Variants in FGD2 observed in about 807,000 individuals in gnomAD.
FGD2 encodes the protein FYVE, RhoGEF and PH domain-containing protein 2.
A neutral mutation model predicts 75.9 loss-of-function variants in FGD2; 52 were observed. The observed-to-expected ratio is 0.69, with a 90% CI of 0.55 to 0.86. The LOEUF is 0.86. Ranked by LOEUF, FGD2 falls within the 40% of genes least tolerant of loss-of-function variation. The probability of loss-of-function intolerance (pLI) is 0.00; values close to 1 mark genes in which losing one functional copy is unlikely to be tolerated. For missense variants in FGD2, 790 were observed against 872.0 expected, an observed-to-expected ratio of 0.91 and a Z score of 1.18; for synonymous variants, 347 against 348.6, an observed-to-expected ratio of 1.00 and a Z score of 0.05.
In FGD2 at chr6:37,011,690, G is replaced by C; in HGVS notation, c.379-16G>C. ...TCCCTGTCACTGCAGTGAGTGACCT[G>C]TCGTGGCGGCTACAGGTGTTTTTCC... On this transcript the variant is annotated splice_polypyrimidine_tract_variant and intron_variant, in intron 3 of 15. Transcript: ENST00000274963. 6.2e-7 allele frequency: 1 copy of C among 1,613,958 alleles called. No individual in the cohort carries two copies. The highest frequency in any genetic ancestry group is 8.5e-7 in the Non-Finnish European group (1 of 1,179,924).
intron 14 of FGD2, chr6:37,026,140 T>C: frequency 1.0e-6 from 1 of 985,316 alleles, no homozygotes; most frequent in Non-Finnish European, 1.2e-6. Flanking sequence ...TGTCACCAAA[T>C]GGAGGCACCC....
chr6:37,013,444 A>T (rs1765119043), intron 4 of FGD2, 165 bp from the exon 5 acceptor site: 1 of 1,428,056 alleles, frequency 7.0e-7, no homozygotes, highest in African/African-American at 1.4e-5. Context: ...CAGTCTAAGG[A>T]GTAGAGGGGC....
chr6:37,011,164 C>T (rs1764987397), intron 3 of FGD2, 114 bp downstream of exon 3: 5 of 1,032,410 alleles, frequency 4.8e-6, no homozygotes, highest in Non-Finnish European at 7.4e-6. Context: ...CTGGCTTTGA[C>T]TCCAGGAAGC....
intron 13 of FGD2, 27 bp from the exon 14 acceptor site, chr6:37,025,765 C>A: frequency 6.2e-7 from 1 of 1,613,762 alleles, no homozygotes; most frequent in Non-Finnish European, 8.5e-7. Flanking sequence ...GGTCTCAGCC[C>A]CATGCCCCCT....
intron 4 of FGD2, chr6:37,012,083 C>A: frequency 2.0e-6 from 1 of 490,070 alleles, no homozygotes; most frequent in Admixed American, 4.1e-5. Flanking sequence ...CAGGTCCTGG[C>A]CAAGCCAAGT....
At chr6:37,006,410 T>C (rs1464445639) in intron 1 of FGD2, among the ~76,000 whole-genome samples, 1 of 152,180 alleles carries the variant, frequency 6.6e-6, no homozygotes, top group Non-Finnish European at 1.5e-5. Flanking sequence ...TCCTTACTTA[T>C]TTAATTTAGT....
intron 9 of FGD2, among the ~76,000 whole-genome samples, chr6:37,016,112 T>G (rs1191917052): frequency 6.6e-6 from 1 of 152,200 alleles, no homozygotes; most frequent in Non-Finnish European, 1.5e-5. Context: ...TTTCTGTGCT[T>G]TCCCTACTGT....
chr6:37,017,986 GA>G (rs749091306), intron 9 of FGD2, among the ~76,000 whole-genome samples: 58 of 152,208 alleles, frequency 3.8e-4, no homozygotes, highest in Non-Finnish European at 7.1e-4. Context: ...TTTCCATCCT[GA>G]AGGGGCCAGA....
chr6:37,017,645 G>C (rs1202975973), intron 9 of FGD2, among the ~76,000 whole-genome samples: 1 of 152,172 alleles, frequency 6.6e-6, no homozygotes. Context: ...GCTGGGACTG[G>C]AAGAAGCAGA....
chr6:37,011,187 A>G, intron 3 of FGD2, 137 bp downstream of exon 3: 1 of 772,960 alleles, frequency 1.3e-6, no homozygotes, highest in Non-Finnish European at 2.2e-6. Flanking sequence ...TGGCCCTTTA[A>G]CCTCAATGGC....
intron 8 of FGD2, 38 bp from the exon 9 acceptor site, chr6:37,015,730 C>T: frequency 1.3e-6 from 2 of 1,545,926 alleles, no homozygotes; most frequent in Non-Finnish European, 1.8e-6. Context: ...ATCCTCCCTG[C>T]CCCTGCCACG....
In FGD2 at chr6:37,014,485, C is replaced by T. The variant is rs533762127; in HGVS notation, c.824-161C>T. ...TCCAGTCTCTCAGCCCTGGGGGGCTCCCGCCATTCAGACACCCCATGGCTG... is the reference window on the plus strand; with the variant it reads ...TCCAGTCTCTCAGCCCTGGGGGGCTTCCGCCATTCAGACACCCCATGGCTG... On this transcript the variant is annotated intron_variant, in intron 6 of 15. Transcript: ENST00000274963. 28 of 777,746 alleles carry T rather than the reference C, an allele frequency of 3.6e-5. No individual in the cohort carries two copies. The African/African-American group carries it at 4.0e-4, about 11-fold the overall frequency. 48.2% of individuals were successfully genotyped at this position (777,746 alleles called of 1,614,324 possible).
intron 2 of FGD2, 49 bp from the exon 3 acceptor site, chr6:37,010,924 A>C (rs778461215): frequency 6.3e-7 from 1 of 1,586,046 alleles, no homozygotes; most frequent in Non-Finnish European, 8.7e-7. Context: ...GAGGAGACCA[A>C]AGCTGTCTTC....
chr6:37,010,015 A>T (rs1268819849), intron 2 of FGD2: 1 of 127,566 alleles, frequency 7.8e-6, no homozygotes, highest in African/African-American at 3.1e-5. Context: ...CTCTGTCTCA[A>T]AAAAAAAAAA....
chr6:37,025,955 C>A lies in FGD2; in HGVS notation c.1605+17C>A. Reference sequence around the variant, plus strand: ...ATCCTGGAGGTGAGGGCCACTGTCCCCGCGCTCACCATCCGTCCTCTGTTC... The same window carrying A: ...ATCCTGGAGGTGAGGGCCACTGTCCACGCGCTCACCATCCGTCCTCTGTTC... On this transcript the variant is annotated intron_variant, in intron 14 of 15. Coordinates refer to ENST00000274963, the MANE Select transcript of FGD2 (RefSeq NM_173558.4). 3 of 1,612,930 alleles carry A rather than the reference C, an allele frequency of 1.9e-6. No homozygotes were observed. The highest frequency in any genetic ancestry group is 1.7e-5 in the Admixed American group (1 of 59,938).
intron 8 of FGD2, among the ~76,000 whole-genome samples, chr6:37,015,495 T>C (rs1765240795): frequency 6.6e-6 from 1 of 152,156 alleles, no homozygotes; most frequent in South Asian, 2.1e-4. Flanking sequence ...TGAGCCCCTG[T>C]TGAGAAAGGC....
At chr6:37,019,030 C>T (rs536495448) in intron 9 of FGD2, among the ~76,000 whole-genome samples, 2 of 152,306 alleles carry the variant, frequency 1.3e-5, no homozygotes, top group South Asian at 4.1e-4. Context: ...ACCCTCAGGT[C>T]AGGAGCCCCC....
At chr6:37,021,847 C>T in intron 12 of FGD2, 2 of 509,908 alleles carry the variant, frequency 3.9e-6, no homozygotes, top group East Asian at 3.2e-5. Flanking sequence ...CACGTCTCTG[C>T]AGCTCCAGCT....
At chr6:37,008,117 T>A (rs1052468479) in intron 1 of FGD2, among the ~76,000 whole-genome samples, 5 of 152,104 alleles carry the variant, frequency 3.3e-5, no homozygotes, top group African/African-American at 1.2e-4. Flanking sequence ...TTTTGGAGAT[T>A]TCGTATTTGT....
Sources: allele counts gnomAD v4.1 joint callset (sites outside exome capture counted in the v4.1 genomes callset), GRCh38; gene constraint gnomAD v4.1.1; transcripts MANE v1.5; gene names NCBI Gene and HGNC (gene_info 2026-07-23, HGNC 2026-07-21).